Variants in RBFOX1 observed in about 807,000 individuals in gnomAD.
RBFOX1 encodes the protein RNA binding fox-1 homolog 1.
RBFOX1 carries 8 observed loss-of-function variants against 57.7 expected under a neutral mutation model. The observed-to-expected ratio is 0.14, with a 90% confidence interval of 0.08 to 0.25. The LOEUF is 0.25. Among genes scored for constraint, RBFOX1 ranks in the 10% least tolerant of loss-of-function variants. The pLI, the probability that RBFOX1 is intolerant of heterozygous loss-of-function variation, is 1.00. For synonymous variants in RBFOX1, 326 were observed against 222.4 expected (o/e 1.47, Z -4.15); for missense variants, 611 against 548.5 (o/e 1.11, Z -1.14).
intron 1 of RBFOX1, among the ~76,000 whole-genome samples, chr16:6,270,058 AC>A (rs2075019962): frequency 6.6e-6 from 1 of 152,176 alleles, no homozygotes; most frequent in Admixed American, 6.5e-5. Flanking sequence ...TACCTAGATA[AC>A]TGCTAAAAAA....
intron 3 of RBFOX1, among the ~76,000 whole-genome samples, chr16:6,844,806 G>C (rs1166410210): frequency 6.6e-6 from 1 of 152,154 alleles, no homozygotes; most frequent in African/African-American, 2.4e-5. Flanking sequence ...GCCTCCAACA[G>C]TGTAAAAATG....
rs1209053618 is a variant in RBFOX1, at chr16:5,964,782, TAC to T, written c.351+97457_351+97458del. On this transcript the variant is annotated intron_variant, in intron 4 of 19. Transcript: ENST00000641259. ...ATGTATATATATATATACACACATA[TAC>T]ACACACACATTGGTGCATATATACA... Among the ~76,000 whole-genome samples, 6 of 151,808 alleles carry T rather than the reference TAC, an allele frequency of 4.0e-5. 1 individual carries two copies. The highest frequency in any genetic ancestry group is 7.4e-5 in the Non-Finnish European group (5 of 67,990).
At chr16:7,046,188 G>A (rs1183583462) in intron 3 of RBFOX1, among the ~76,000 whole-genome samples, 3 of 151,962 alleles carry the variant, frequency 2.0e-5, no homozygotes, top group Non-Finnish European at 4.4e-5. Context: ...GTAGACAGGT[G>A]TTCCATTTTG....
rs899661961 is a variant in RBFOX1 at position 6,430,282 on chromosome 16, C to T, written c.-64+113225C>T. 3.3e-5 allele frequency among the ~76,000 whole-genome samples: 5 copies of T among 152,124 alleles called. No homozygotes were observed. The East Asian group carries it at 5.8e-4, about 18-fold the overall frequency. On this transcript the variant is annotated intron_variant, in intron 2 of 15. Transcript: ENST00000550418. ...CACCAGGGAATATAAAACAGTAAGA[C>T]TCAGTCTCTCCTCTTGAGGAGCTCA...
chr16:5,339,888 G>A (rs2064996755), intron 1 of RBFOX1, among the ~76,000 whole-genome samples: 1 of 152,120 alleles, frequency 6.6e-6, no homozygotes, highest in South Asian at 2.1e-4. Flanking sequence ...CAGGTTGGCT[G>A]CAGAGGTCAT....
intron 4 of RBFOX1, among the ~76,000 whole-genome samples, chr16:7,276,534 G>C (rs960903419): frequency 3.3e-5 from 5 of 151,982 alleles, no homozygotes; most frequent in African/African-American, 1.2e-4. Flanking sequence ...ATCTAAGTAG[G>C]AGGCTTCTAT....
At chr16:6,158,347 CAGA>C (rs1218831787) in intron 1 of RBFOX1, among the ~76,000 whole-genome samples, 1 of 152,170 alleles carries the variant, frequency 6.6e-6, no homozygotes, top group African/African-American at 2.4e-5. Flanking sequence ...TGTTCTGTGT[CAGA>C]AGTTCAGTGG....
At chr16:6,915,282 G>A (rs985065328) in intron 3 of RBFOX1, among the ~76,000 whole-genome samples, 1 of 152,140 alleles carries the variant, frequency 6.6e-6, no homozygotes, top group East Asian at 1.9e-4. Context: ...AAGGGCCTGG[G>A]ATTGTTTCCA....
At chr16:6,697,935 G>A (rs1483838125) in intron 3 of RBFOX1, among the ~76,000 whole-genome samples, 5 of 152,136 alleles carry the variant, frequency 3.3e-5, no homozygotes, top group Admixed American at 2.6e-4. Flanking sequence ...TAAAACATCT[G>A]TTCTATTAAG....
chr16:7,320,047 T>G, intron 4 of RBFOX1, among the ~76,000 whole-genome samples: 1 of 152,162 alleles, frequency 6.6e-6, no homozygotes, highest in African/African-American at 2.4e-5. Flanking sequence ...TTAATCTGTT[T>G]TTTTGAAAGT....
intron 2 of RBFOX1, among the ~76,000 whole-genome samples, chr16:6,557,670 C>T (rs932351924): frequency 1.3e-5 from 2 of 152,196 alleles, no homozygotes; most frequent in African/African-American, 4.8e-5. Flanking sequence ...GGGGAAAATG[C>T]TCCTTTCGAC....
intron 3 of RBFOX1, among the ~76,000 whole-genome samples, chr16:5,812,182 C>A (rs2055456680): frequency 6.6e-6 from 1 of 152,144 alleles, no homozygotes; most frequent in Non-Finnish European, 1.5e-5. Flanking sequence ...TGTGTTTATC[C>A]ATTCACCAGT....
At chr16:5,648,742 C>T (rs2049130526) in intron 3 of RBFOX1, among the ~76,000 whole-genome samples, 1 of 152,138 alleles carries the variant, frequency 6.6e-6, no homozygotes, top group Non-Finnish European at 1.5e-5. Context: ...CTTGTGTCTA[C>T]CTCCTCTTTT....
chr16:7,043,081 G>A (rs571590774), intron 3 of RBFOX1, among the ~76,000 whole-genome samples: 2 of 109,426 alleles, frequency 1.8e-5, no homozygotes, highest in South Asian at 5.7e-4. Flanking sequence ...TTTTGACTGT[G>A]CCATTCACGG....
chr16:7,244,233 A>G (rs1263311834), intron 4 of RBFOX1, among the ~76,000 whole-genome samples: 1 of 139,294 alleles, frequency 7.2e-6, no homozygotes, highest in Non-Finnish European at 1.5e-5. Context: ...TTCTAGGAAA[A>G]TGCCAAAGTA....
At chr16:7,120,715 C>T (rs555738021) in intron 4 of RBFOX1, among the ~76,000 whole-genome samples, 1 of 146,658 alleles carries the variant, frequency 6.8e-6, no homozygotes, top group South Asian at 2.1e-4. Flanking sequence ...AAAAACTATA[C>T]ACAGTCTCTT....
At chr16:7,242,234 T>G (rs1267292045) in intron 4 of RBFOX1, among the ~76,000 whole-genome samples, 1 of 152,168 alleles carries the variant, frequency 6.6e-6, no homozygotes, top group African/African-American at 2.4e-5. Context: ...CCCAAAGGAC[T>G]GACAAGAGTG....
intron 2 of RBFOX1, among the ~76,000 whole-genome samples, chr16:6,518,464 T>G (rs1347395082): frequency 6.6e-6 from 1 of 152,152 alleles, no homozygotes; most frequent in African/African-American, 2.4e-5. Flanking sequence ...TGTGCTTCTA[T>G]TATACAGATG....
chr16:5,433,710 C>T (rs143529277), intron 1 of RBFOX1, among the ~76,000 whole-genome samples: 1 of 152,330 alleles, frequency 6.6e-6, no homozygotes, highest in East Asian at 1.9e-4. Context: ...TGCTGAATAA[C>T]TGCTTTCCCT....
Sources: allele counts gnomAD v4.1 joint callset (sites outside exome capture counted in the v4.1 genomes callset), GRCh38; gene constraint gnomAD v4.1.1; transcripts MANE v1.5; gene names NCBI Gene and HGNC (gene_info 2026-07-23, HGNC 2026-07-21).